Variants in SYN1 observed in about 807,000 individuals in gnomAD.
SYN1 encodes synapsin I.
SYN1 carries 8 observed loss-of-function variants against 44.6 expected under a neutral mutation model. The observed-to-expected ratio is 0.18, with a 90% CI of 0.11 to 0.32. The LOEUF (loss-of-function observed/expected upper bound fraction) is 0.32, where lower values mean the gene tolerates loss of function less well. Among genes scored for constraint, SYN1 ranks in the 10% least tolerant of loss-of-function variants. SYN1 has a pLI of 1.00. For missense variants in SYN1, 451 were observed against 639.4 expected (o/e 0.71, Z 3.18); for synonymous variants, 275 against 280.1 (o/e 0.98, Z 0.18).
At chrX:47,582,447 A>T (rs1340055913) in intron 5 of SYN1, 1 of 253,323 alleles carries the variant, frequency 3.9e-6, no homozygotes, top group Non-Finnish European at 7.9e-6. Flanking sequence ...CCATCGCCGC[A>T]GATCCAGCGC....
chrX:47,584,787 A>G (rs1039191198), intron 5 of SYN1: 20 of 483,355 alleles, frequency 4.1e-5, no homozygotes, highest in Admixed American at 1.4e-4. Flanking sequence ...ATCAATGAAC[A>G]AATGTGTAAA....
chrX:47,617,140 T>C (rs1011433009), intron 1 of SYN1, among the ~76,000 whole-genome samples: 1 of 111,568 alleles, frequency 9.0e-6, no homozygotes, highest in Non-Finnish European at 1.9e-5. Flanking sequence ...ATGGAAAGGA[T>C]GCAATAAATA....
rs796053397 is a variant in SYN1, at chrX:47,574,041, G to A, written c.1943C>T (p.Ala648Val). The change falls in exon 12 of 13, where the codon GCC becomes GTC. Residue 648 changes from alanine (A) to valine (V), a missense_variant. Coordinates refer to ENST00000295987, the MANE Select transcript of SYN1 (RefSeq NM_006950.3). ...CGGAGGTCCCCCTGCAGCGGCGGTG[G>A]CGGGTGGCGGCACGTCCTGGCTGGG... ...QKPSQDVPPP[A>V]TAAAGGPPHP... 48 of 1,151,442 alleles carry A rather than the reference G, an allele frequency of 4.2e-5. No individual in the cohort carries two copies. Among genetic ancestry groups the A allele is most frequent in the Non-Finnish European group, 5.4e-5 (47 of 869,842 alleles). The allele number at this position is 1,151,442 out of a possible 1,213,427, so 94.9% of individuals were successfully genotyped here.
At chrX:47,617,729 A>G (rs1163215923) in intron 1 of SYN1, among the ~76,000 whole-genome samples, 1 of 112,207 alleles carries the variant, frequency 8.9e-6, no homozygotes, top group African/African-American at 3.2e-5. Context: ...TAAGAAAACA[A>G]TTCTGGGGAG....
At chrX:47,594,954 C>T (rs1296938058) in intron 5 of SYN1, among the ~76,000 whole-genome samples, 1 of 110,749 alleles carries the variant, frequency 9.0e-6, no homozygotes, top group Admixed American at 9.6e-5. Flanking sequence ...CTAGAACTCC[C>T]GACCTCAGGT....
intron 3 of SYN1, 130 bp from the exon 4 acceptor site, chrX:47,605,509 T>A: frequency 1.2e-6 from 1 of 819,546 alleles, no homozygotes. Context: ...TCTGCACACA[T>A]GTGTGAGCTG....
chrX:47,589,313 G>T (rs1331311771), intron 5 of SYN1, among the ~76,000 whole-genome samples: 1 of 95,667 alleles, frequency 1.0e-5, no homozygotes, highest in African/African-American at 4.0e-5. Context: ...AAAAAAAAAG[G>T]CCGGGCATGG....
intron 5 of SYN1, among the ~76,000 whole-genome samples, chrX:47,581,829 G>A (rs948757704): frequency 4.5e-5 from 5 of 111,527 alleles, no homozygotes; most frequent in Non-Finnish European, 7.5e-5. Context: ...GGCCACCTGA[G>A]TTCCAGTCTC....
chrX:47,585,606 T>C, intron 5 of SYN1: 1 of 1,198,390 alleles, frequency 8.3e-7, no homozygotes, highest in Non-Finnish European at 1.1e-6. Context: ...TGGAACAGCC[T>C]GAGCTTAGCT....
intron 5 of SYN1, among the ~76,000 whole-genome samples, chrX:47,595,631 A>G (rs1186966978): frequency 2.7e-5 from 3 of 112,359 alleles, no homozygotes; most frequent in African/African-American, 9.7e-5. Flanking sequence ...TTTTATATAT[A>G]CACATATATG....
chrX:47,572,187 T>A lies in SYN1; in HGVS notation c.*677A>T, dbSNP rs2057762128. 1.7e-5 allele frequency: 2 copies of A among 116,431 alleles called. No homozygotes were observed. Among genetic ancestry groups the A allele is most frequent in the Non-Finnish European group, 3.5e-5 (2 of 56,493 alleles). The allele number at this position is 116,431 out of a possible 1,213,427, so 9.6% of individuals were successfully genotyped here. On this transcript the variant is annotated 3_prime_UTR_variant, in exon 13 of 13. Transcript: ENST00000295987. ...GTGCAAAGGATTCTGGGAAGATGGGTGGAGTTTGCATATTTAAAGACAGCT... is the reference window on the plus strand; with the variant it reads ...GTGCAAAGGATTCTGGGAAGATGGGAGGAGTTTGCATATTTAAAGACAGCT...
chrX:47,599,192 C>T (rs764534460), intron 5 of SYN1, among the ~76,000 whole-genome samples: 1 of 111,211 alleles, frequency 9.0e-6, no homozygotes, highest in East Asian at 2.8e-4. Context: ...AGCAAAATTG[C>T]AAACATAAAC....
At chrX:47,610,595 G>A (rs763803991) in intron 1 of SYN1, among the ~76,000 whole-genome samples, 3 of 110,067 alleles carry the variant, frequency 2.7e-5, no homozygotes, top group Non-Finnish European at 5.7e-5. Flanking sequence ...TGGCTAGTAC[G>A]TATTGGCAGG....
chrX:47,600,504 G>A (rs1197507283), intron 5 of SYN1, among the ~76,000 whole-genome samples: 1 of 111,533 alleles, frequency 9.0e-6, no homozygotes, highest in Non-Finnish European at 1.9e-5. Context: ...TGGCCAATAA[G>A]GAAGATTTGA....
At chrX:47,585,112 C>T (rs974908751) in intron 5 of SYN1, 2 of 1,165,166 alleles carry the variant, frequency 1.7e-6, no homozygotes, top group Non-Finnish European at 2.3e-6. Flanking sequence ...AGAAAGTTGG[C>T]TGTGATCTTG....
intron 5 of SYN1, among the ~76,000 whole-genome samples, chrX:47,603,314 A>G (rs1363615282): frequency 1.8e-5 from 2 of 111,224 alleles, no homozygotes; most frequent in Admixed American, 1.9e-4. Context: ...TTCCCACCTC[A>G]GCTTCCCAAG....
chrX:47,573,667 C>T (rs765997907), intron 12 of SYN1, among the ~76,000 whole-genome samples: 4 of 110,437 alleles, frequency 3.6e-5, no homozygotes, highest in Non-Finnish European at 3.8e-5. Context: ...GCAGGGAAGG[C>T]TCTGGGCTGG....
chrX:47,594,768 C>T (rs967989632), intron 5 of SYN1, among the ~76,000 whole-genome samples: 22 of 104,139 alleles, frequency 2.1e-4, no homozygotes, highest in African/African-American at 7.7e-4. Context: ...GCTCTTGTTG[C>T]CCAGGCTGGA....
At position 47,577,517 on chromosome X, in the gene SYN1, C is replaced by T; in HGVS notation, c.775-16G>A. On this transcript the variant is annotated splice_polypyrimidine_tract_variant and intron_variant, in intron 5 of 12. Coordinates refer to ENST00000295987, the MANE Select transcript of SYN1 (RefSeq NM_006950.3). ...TACTGCTGAGCTGGTGGGGAAAAGGCAGAGGAGACATGCTCAGGGCAGAAA... is the reference window on the plus strand; with the variant it reads ...TACTGCTGAGCTGGTGGGGAAAAGGTAGAGGAGACATGCTCAGGGCAGAAA... 1 of 1,198,549 alleles carries T rather than the reference C, an allele frequency of 8.3e-7. No homozygotes were observed. Among genetic ancestry groups the T allele is most frequent in the Non-Finnish European group, 1.1e-6 (1 of 887,958 alleles).
Sources: allele counts gnomAD v4.1 joint callset (sites outside exome capture counted in the v4.1 genomes callset), GRCh38; gene constraint gnomAD v4.1.1; transcripts MANE v1.5; gene names NCBI Gene and HGNC (gene_info 2026-07-23, HGNC 2026-07-21).